The following DPP6 variants were observed in gnomAD, a reference collection of about 807,000 sequenced individuals.
The protein encoded by DPP6 is A-type potassium channel modulatory protein DPP6.
DPP6 carries 69 observed loss-of-function variants against 122.6 expected under a neutral mutation model. That is an observed-to-expected ratio of 0.56 (90% CI 0.46 to 0.69). The LOEUF (loss-of-function observed/expected upper bound fraction) is 0.69, where lower values mean the gene tolerates loss of function less well. Ranked by LOEUF, DPP6 falls within the 30% of genes least tolerant of loss-of-function variation. DPP6 has a pLI of 0.00. For missense variants in DPP6, 928 were observed against 1,116.9 expected (o/e 0.83, Z 2.41); for synonymous variants, 418 against 433.1 (o/e 0.97, Z 0.43).
upstream of DPP6, among the ~76,000 whole-genome samples, chr7:153,882,856 C>T (rs564907706): frequency 6.6e-6 from 1 of 152,250 alleles, no homozygotes; most frequent in East Asian, 1.9e-4. Flanking sequence ...TGAAACATGG[C>T]AGCTTCTATG....
chr7:153,869,804 A>T, the DPP6 span, among the ~76,000 whole-genome samples: 1 of 151,986 alleles, frequency 6.6e-6, no homozygotes, highest in African/African-American at 2.4e-5. Flanking sequence ...GTTCCTTTCC[A>T]TTTTTAGTGC....
At chr7:154,063,058 G>C (rs7798084) in intron 1 of DPP6, among the ~76,000 whole-genome samples, 4,984 of 129,198 alleles carry the variant, frequency 0.039, 739 homozygotes, top group African/African-American at 0.1. Flanking sequence ...CCCCCCACGA[G>C]AGTGGGGACT....
intron 1 of DPP6, among the ~76,000 whole-genome samples, chr7:154,107,105 A>G (rs1015664487): frequency 2.0e-5 from 3 of 152,150 alleles, no homozygotes; most frequent in African/African-American, 7.2e-5. Flanking sequence ...AAGGAACTGA[A>G]ATCAGCTTGT....
At chr7:154,032,142 G>A (rs1007648251) in intron 1 of DPP6, among the ~76,000 whole-genome samples, 10 of 151,930 alleles carry the variant, frequency 6.6e-5, no homozygotes, top group Admixed American at 2.6e-4. Flanking sequence ...CCAAAGTGCT[G>A]GGATTACAGG....
intron 10 of DPP6, among the ~76,000 whole-genome samples, chr7:154,783,092 A>G (rs1028704021): frequency 6.6e-6 from 1 of 152,134 alleles, no homozygotes; most frequent in Non-Finnish European, 1.5e-5. Context: ...GGCTGCTGGT[A>G]CAGGAACCAC....
chr7:154,271,916 A>G (rs772682044), intron 1 of DPP6, among the ~76,000 whole-genome samples: 2 of 152,222 alleles, frequency 1.3e-5, no homozygotes, highest in African/African-American at 2.4e-5. Context: ...ATGTTGCCTT[A>G]TAGAAAGATT....
chr7:153,964,790 T>G (rs1795556580), intron 1 of DPP6, among the ~76,000 whole-genome samples: 1 of 35,444 alleles, frequency 2.8e-5, no homozygotes, highest in South Asian at 1.8e-3. Context: ...TCCTTTCCTT[T>G]CCTTTCCTTT....
upstream of DPP6, among the ~76,000 whole-genome samples, chr7:153,884,992 AT>A (rs1798855444): frequency 1.2e-5 from 1 of 81,368 alleles, no homozygotes; most frequent in Non-Finnish European, 2.4e-5. Context: ...ACAAAAATAT[AT>A]ATATATATAT....
chr7:153,938,225 A>G (rs553766199), intron 1 of DPP6, among the ~76,000 whole-genome samples: 2 of 152,280 alleles, frequency 1.3e-5, no homozygotes, highest in African/African-American at 4.8e-5. Flanking sequence ...TCTGCCTTTC[A>G]TCTTCGTTCT....
chr7:154,506,316 C>T (rs1222261656), intron 3 of DPP6, among the ~76,000 whole-genome samples: 1 of 151,920 alleles, frequency 6.6e-6, no homozygotes, highest in Non-Finnish European at 1.5e-5. Context: ...TCAATGCTCT[C>T]AAGAATTTTC....
chr7:153,875,860 G>A, the DPP6 span, among the ~76,000 whole-genome samples: 1 of 148,048 alleles, frequency 6.8e-6, no homozygotes, highest in Non-Finnish European at 1.5e-5. Flanking sequence ...AGGCAAAATT[G>A]TCAGACTGAA....
In DPP6 at chr7:154,427,058, C is replaced by T. The variant is rs933540367; in HGVS notation, c.244-19156C>T. Among the ~76,000 whole-genome samples, 6 of 151,936 alleles carry T rather than the reference C, an allele frequency of 3.9e-5. No homozygotes were observed. In the East Asian group the frequency reaches 9.7e-4, roughly 24 times the overall value. On this transcript the variant is annotated intron_variant, in intron 1 of 25. Transcript: ENST00000377770. The stretch of plus-strand genomic sequence containing the variant: ...AATAATTTTGGTGAGCGTGTCTATG[C>T]ACACAGAAATAGCTACTAAGATCAT...
intron 1 of DPP6, among the ~76,000 whole-genome samples, chr7:154,380,114 A>G (rs1199012158): frequency 3.9e-5 from 6 of 152,234 alleles, no homozygotes; most frequent in Admixed American, 2.0e-4. Context: ...ACACAACATT[A>G]ACCTTAATTG....
At chr7:154,507,291 T>G (rs1423641100) in intron 3 of DPP6, among the ~76,000 whole-genome samples, 1 of 152,112 alleles carries the variant, frequency 6.6e-6, no homozygotes, top group Non-Finnish European at 1.5e-5. Context: ...TTTTTTTACT[T>G]TAAGTTCTGG....
intron 1 of DPP6, chr7:154,055,885 C>G (rs1207139698): frequency 6.6e-6 from 1 of 152,228 alleles, no homozygotes; most frequent in Non-Finnish European, 1.5e-5. Context: ...AAGCAGCATA[C>G]CTTTATAATC....
chr7:153,788,144 T>C, the DPP6 span, among the ~76,000 whole-genome samples: 2 of 152,192 alleles, frequency 1.3e-5, no homozygotes. Context: ...AAAACCTCAA[T>C]ATAGTCAATG....
intron 1 of DPP6, among the ~76,000 whole-genome samples, chr7:153,974,184 G>A (rs1364551776): frequency 6.6e-6 from 1 of 152,160 alleles, no homozygotes; most frequent in Non-Finnish European, 1.5e-5. Context: ...AGGCACTGCA[G>A]GATGGCATCC....
intron 1 of DPP6, among the ~76,000 whole-genome samples, chr7:154,238,817 T>TA (rs1278493921): frequency 6.6e-6 from 1 of 152,252 alleles, no homozygotes; most frequent in African/African-American, 2.4e-5. Context: ...ATCCCAGTTT[T>TA]ACAAGTTAAA....
chr7:153,932,889 G>A (rs1801237563), intron 1 of DPP6, among the ~76,000 whole-genome samples: 1 of 152,116 alleles, frequency 6.6e-6, no homozygotes, highest in African/African-American at 2.4e-5. Flanking sequence ...ACGTGTTATG[G>A]GCGGGACGTG....
Sources: allele counts gnomAD v4.1 joint callset (sites outside exome capture counted in the v4.1 genomes callset), GRCh38; gene constraint gnomAD v4.1.1; transcripts MANE v1.5; gene names NCBI Gene and HGNC (gene_info 2026-07-23, HGNC 2026-07-21).